RNF24: variants seen among roughly 807,000 people sequenced by gnomAD.
The protein encoded by RNF24 is ring finger protein 24.
A neutral mutation model predicts 20.0 loss-of-function variants in RNF24; 14 were observed. The observed-to-expected ratio is 0.70, with a 90% CI of 0.46 to 1.10. The LOEUF is 1.10. Ranked by LOEUF, RNF24 falls within the 50% of genes least tolerant of loss-of-function variation. RNF24 has a pLI of 0.00. For synonymous variants in RNF24, 45 were observed against 61.1 expected, an observed-to-expected ratio of 0.74 and a Z score of 1.23; for missense variants, 124 against 177.6, an observed-to-expected ratio of 0.70 and a Z score of 1.71.
intron 2 of RNF24, among the ~76,000 whole-genome samples, chr20:3,959,417 C>A (rs2091177552): frequency 6.6e-6 from 1 of 152,140 alleles, no homozygotes; most frequent in Admixed American, 6.5e-5. Context: ...GGTTCATGAC[C>A]TCATAATAAC....
chr20:3,991,584 G>A (rs1385062428), intron 1 of RNF24, among the ~76,000 whole-genome samples: 1 of 152,000 alleles, frequency 6.6e-6, no homozygotes, highest in African/African-American at 2.4e-5. Flanking sequence ...AATTGTCCCA[G>A]TTGTTTGTAA....
intron 1 of RNF24, among the ~76,000 whole-genome samples, chr20:3,970,733 G>C (rs377541358): frequency 3.9e-5 from 6 of 152,242 alleles, no homozygotes; most frequent in African/African-American, 1.4e-4. Flanking sequence ...CAGCAGAATG[G>C]AGAAGAAAGG....
intron 1 of RNF24, among the ~76,000 whole-genome samples, chr20:3,966,370 G>C (rs966340176): frequency 6.6e-6 from 1 of 151,842 alleles, no homozygotes; most frequent in Non-Finnish European, 1.5e-5. Context: ...ATTCAAATGG[G>C]ATAATCTAAC....
At chr20:3,999,081 AAAAAC>A (rs1157031591) in intron 1 of RNF24, among the ~76,000 whole-genome samples, 1 of 152,230 alleles carries the variant, frequency 6.6e-6, no homozygotes, top group African/African-American at 2.4e-5. Context: ...CTCTGTCTCA[AAAAAC>A]AAAACAAAAC....
intron 4 of RNF24, among the ~76,000 whole-genome samples, chr20:3,940,833 TA>T (rs1299863256): frequency 6.6e-6 from 1 of 151,996 alleles, no homozygotes; most frequent in Non-Finnish European, 1.5e-5. Flanking sequence ...GAAGGTGAAA[TA>T]AAAACATTCT....
intron 1 of RNF24, among the ~76,000 whole-genome samples, chr20:3,980,929 C>G (rs1173952595): frequency 6.7e-6 from 1 of 148,702 alleles, no homozygotes; most frequent in Non-Finnish European, 1.5e-5. Context: ...CCTCTGCTCC[C>G]AGGCTGCCAT....
intron 1 of RNF24, among the ~76,000 whole-genome samples, chr20:4,014,739 G>GCGCACACACACACACACACACA (rs1555804206): frequency 7.0e-6 from 1 of 143,670 alleles, no homozygotes; most frequent in Non-Finnish European, 1.5e-5. Context: ...ACTTGAATGC[G>GCGCACACACACACACACACACA]CACACACACA....
intron 1 of RNF24, among the ~76,000 whole-genome samples, chr20:3,969,798 G>A (rs142610857): frequency 3.4e-5 from 5 of 146,842 alleles, no homozygotes; most frequent in Admixed American, 2.7e-4. Context: ...TTGAGATGGC[G>A]TCTTGCTCTG....
intron 1 of RNF24, among the ~76,000 whole-genome samples, chr20:4,004,533 T>C (rs145716115): frequency 1.8e-4 from 27 of 152,174 alleles, no homozygotes; most frequent in African/African-American, 5.5e-4. Context: ...GCAGATATAA[T>C]TTAAGGATCT....
chr20:4,014,281 T>C lies in RNF24; in HGVS notation c.-8+1156A>G, dbSNP rs114178361. 1.7e-3 allele frequency among the ~76,000 whole-genome samples: 254 copies of C among 151,868 alleles called. 1 individual carries two copies. Among genetic ancestry groups the C allele is most frequent in the African/African-American group, 5.8e-3 (239 of 41,374 alleles). ...TTAAGGGGAAAAAAAAGCAAGGAGG[T>C]AGAGAGAACCTGCTGGACTACCTTC... is the stretch of plus-strand genomic sequence containing the variant. On this transcript the variant is annotated intron_variant, in intron 1 of 5. Transcript: ENST00000358395.
In RNF24 at chr20:3,984,227, C is replaced by A. The variant is rs534342280; in HGVS notation, c.-7-20203G>T. Among the ~76,000 whole-genome samples, 11 of 151,664 alleles carry A rather than the reference C, an allele frequency of 7.3e-5. No homozygotes were observed. In the East Asian group the frequency reaches 9.7e-4, roughly 13 times the overall value. On this transcript the variant is annotated intron_variant, in intron 1 of 5. Coordinates refer to ENST00000358395, the MANE Select transcript of RNF24 (RefSeq NM_001134337.3). ...TCCAGTTTCGGTAACAGAGCTAGAC[C>A]CTGTCTCTTAAAAAAAAAAAAGAAA...
At chr20:3,989,255 G>A (rs577820742) in intron 1 of RNF24, among the ~76,000 whole-genome samples, 3 of 152,292 alleles carry the variant, frequency 2.0e-5, no homozygotes, top group Admixed American at 1.3e-4. Context: ...ACTTTAGGAG[G>A]CCGAGGCAGG....
chr20:3,960,230 A>C (rs1484924123), intron 2 of RNF24, among the ~76,000 whole-genome samples: 2 of 152,198 alleles, frequency 1.3e-5, no homozygotes, highest in African/African-American at 4.8e-5. Context: ...TATCATAAAA[A>C]ATGAGCTAGG....
intron 1 of RNF24, among the ~76,000 whole-genome samples, chr20:3,991,397 C>T (rs1432825348): frequency 6.6e-6 from 1 of 151,930 alleles, no homozygotes. Flanking sequence ...GGACTACAGG[C>T]ATGTGCCACC....
chr20:3,957,172 C>T (rs544869816), intron 2 of RNF24, among the ~76,000 whole-genome samples: 33 of 152,208 alleles, frequency 2.2e-4, no homozygotes, highest in African/African-American at 7.2e-4. Flanking sequence ...GTGGTACACG[C>T]CTGTAATCCC....
intron 1 of RNF24, among the ~76,000 whole-genome samples, chr20:4,012,416 C>CAA (rs1168128221): frequency 1.8e-5 from 2 of 112,060 alleles, no homozygotes; most frequent in Admixed American, 9.4e-5. Flanking sequence ...GACTCCATCT[C>CAA]AAAAAAAAAA....
chr20:3,954,593 G>A (rs988943351), intron 2 of RNF24, among the ~76,000 whole-genome samples: 1 of 152,074 alleles, frequency 6.6e-6, no homozygotes, highest in African/African-American at 2.4e-5. Context: ...ATGAAAATCT[G>A]GGTCACATGG....
intron 2 of RNF24, among the ~76,000 whole-genome samples, chr20:3,957,155 AG>A (rs1160084900): frequency 6.7e-6 from 1 of 149,468 alleles, no homozygotes; most frequent in African/African-American, 2.5e-5. Context: ...AAAATTAGCC[AG>A]GCATGGTGGT....
Position 3,971,620 on chromosome 20 carries a change from A to G in RNF24, c.-7-7596T>C, listed in dbSNP as rs139711939. Among the ~76,000 whole-genome samples, 1,501 of 152,322 alleles carry G rather than the reference A, an allele frequency of 9.9e-3. 22 individuals are homozygous for G. Among genetic ancestry groups the G allele is most frequent in the Non-Finnish European group, 0.015 (1,004 of 68,020 alleles). On this transcript the variant is annotated intron_variant, in intron 1 of 5. Coordinates refer to ENST00000358395, the MANE Select transcript of RNF24 (RefSeq NM_001134337.3). ...GGATAAAGGGACATAAAAGGAGGTA[A>G]CATTTCTAGTCTGAACTGGTAAAGT...
Sources: gnomAD v4.1 joint callset for allele counts (sites outside exome capture counted in the v4.1 genomes callset) on GRCh38, gnomAD v4.1.1 for gene constraint, MANE v1.5 for transcripts, NCBI Gene and HGNC (gene_info 2026-07-23, HGNC 2026-07-21) for gene names.